The following HCN1 variants were observed in gnomAD, a reference collection of about 807,000 sequenced individuals.
HCN1 encodes potassium/sodium hyperpolarization-activated cyclic nucleotide-gated channel 1.
In HCN1, 13 loss-of-function variants were observed where a neutral mutation model predicts 78.9. The ratio of observed to expected loss-of-function variants is 0.16; its 90% confidence interval spans 0.11 to 0.26. The LOEUF (loss-of-function observed/expected upper bound fraction) is 0.26, where lower values mean the gene tolerates loss of function less well. HCN1 is among the 10% of genes least tolerant of loss of function. The pLI, the probability that HCN1 is intolerant of heterozygous loss-of-function variation, is 1.00. For synonymous variants in HCN1, 552 were observed against 455.5 expected (o/e 1.21, Z -2.70); for missense variants, 810 against 1,154.3 (o/e 0.70, Z 4.32).
At chr5:45,363,348 C>T (rs1468362364) in intron 4 of HCN1, among the ~76,000 whole-genome samples, 1 of 151,342 alleles carries the variant, frequency 6.6e-6, no homozygotes, top group East Asian at 2.0e-4. Context: ...CCTAGAGTTG[C>T]ATGGTCTTCT....
chr5:45,315,894 A>G (rs897243302), intron 5 of HCN1, among the ~76,000 whole-genome samples: 1 of 152,188 alleles, frequency 6.6e-6, no homozygotes, highest in Non-Finnish European at 1.5e-5. Context: ...TAGACCAATA[A>G]CAGGCTCTGA....
chr5:45,582,292 G>T (rs1007018743), intron 2 of HCN1, among the ~76,000 whole-genome samples: 32 of 152,040 alleles, frequency 2.1e-4, no homozygotes, highest in African/African-American at 7.7e-4. Context: ...ATTGTGAATG[G>T]GAGTTCACTC....
intron 2 of HCN1, among the ~76,000 whole-genome samples, chr5:45,560,653 A>G (rs1743579154): frequency 6.6e-6 from 1 of 152,094 alleles, no homozygotes; most frequent in East Asian, 1.9e-4. Flanking sequence ...AAACACAATT[A>G]TATTTAACAA....
chr5:45,375,054 TTA>T lies in HCN1; in HGVS notation c.1230+21436_1230+21437del, dbSNP rs527499523. On this transcript the variant is annotated intron_variant, in intron 4 of 7. Transcript: ENST00000303230. ...AGTATATACTCAAAGGAATGGAATT[TTA>T]TATATATATATAATATATTATATAT... Among the ~76,000 whole-genome samples, 94 of 126,690 alleles carry T rather than the reference TTA, an allele frequency of 7.4e-4. 2 individuals carry two copies. In the East Asian group the frequency reaches 0.011, roughly 15 times the overall value. The allele number at this position is 126,690 out of a possible 152,430, so 83.1% of individuals were successfully genotyped here. A position where few individuals can be genotyped will look rare whatever the true frequency, so the allele number is the denominator to read the frequency against.
At chr5:45,646,499 G>C (rs999312916) in intron 1 of HCN1, among the ~76,000 whole-genome samples, 4 of 149,914 alleles carry the variant, frequency 2.7e-5, no homozygotes, top group Non-Finnish European at 5.9e-5. Flanking sequence ...TCAGCCTCCC[G>C]AGTAGCTGGC....
intron 4 of HCN1, among the ~76,000 whole-genome samples, chr5:45,363,741 C>G (rs1032771139): frequency 6.6e-6 from 1 of 151,898 alleles, no homozygotes; most frequent in East Asian, 1.9e-4. Context: ...CGAGATCTGA[C>G]GGGTTTATCA....
chr5:45,501,115 T>C (rs1488488320), intron 2 of HCN1, among the ~76,000 whole-genome samples: 2 of 152,112 alleles, frequency 1.3e-5, no homozygotes, highest in Non-Finnish European at 2.9e-5. Flanking sequence ...GCAGCTCAAA[T>C]AATAACTGAC....
chr5:45,374,131 T>C (rs34966617), intron 4 of HCN1, among the ~76,000 whole-genome samples: 18,446 of 111,068 alleles, frequency 0.17, 2,005 homozygotes, highest in East Asian at 0.33. Context: ...ATATAATATA[T>C]ATTATATACA....
rs528783772 is a variant in HCN1 at position 45,327,278 on chromosome 5, T to G, written c.1378-23439A>C. 2.6e-5 allele frequency among the ~76,000 whole-genome samples: 4 copies of G among 151,844 alleles called. No homozygotes were observed. In the East Asian group the frequency reaches 5.9e-4, roughly 22 times the overall value. ...GAAACTAAACAAATGTCCAGAAGTA[T>G]GCTGAACTAAAAAATATTATTAAGA... On this transcript the variant is annotated intron_variant, in intron 5 of 7. Coordinates refer to ENST00000303230, the MANE Select transcript of HCN1 (RefSeq NM_021072.4).
intron 1 of HCN1, among the ~76,000 whole-genome samples, chr5:45,689,537 T>C (rs1478926990): frequency 6.6e-6 from 1 of 152,092 alleles, no homozygotes; most frequent in Non-Finnish European, 1.5e-5. Context: ...AAACTAGTTA[T>C]GTGGAGTGAT....
chr5:45,525,938 A>T (rs1742728226), intron 2 of HCN1, among the ~76,000 whole-genome samples: 1 of 151,984 alleles, frequency 6.6e-6, no homozygotes, highest in Non-Finnish European at 1.5e-5. Context: ...TAGTGTCCTT[A>T]TAAGAAAAGA....
intron 2 of HCN1, 172 bp downstream of exon 2, chr5:45,645,013 A>G (rs1745521961): frequency 3.6e-6 from 2 of 562,914 alleles, no homozygotes; most frequent in East Asian, 5.7e-5. Context: ...TTATTTGATC[A>G]TATATTTTAG....
At chr5:45,669,972 A>C (rs1379086812) in intron 1 of HCN1, among the ~76,000 whole-genome samples, 1 of 151,748 alleles carries the variant, frequency 6.6e-6, no homozygotes, top group Non-Finnish European at 1.5e-5. Context: ...ATTGGAATGA[A>C]GGGAGGTGTA....
chr5:45,648,760 A>G (rs1745621924), intron 1 of HCN1, among the ~76,000 whole-genome samples: 1 of 151,774 alleles, frequency 6.6e-6, no homozygotes, highest in African/African-American at 2.4e-5. Context: ...TTATTACCAT[A>G]TCATCTTTCC....
At chr5:45,584,963 T>C (rs1488455124) in intron 2 of HCN1, among the ~76,000 whole-genome samples, 2 of 152,154 alleles carry the variant, frequency 1.3e-5, no homozygotes, top group African/African-American at 4.8e-5. Flanking sequence ...GCCCTTAACA[T>C]TTTTCCTTCA....
chr5:45,572,687 A>G (rs772941206), intron 2 of HCN1, among the ~76,000 whole-genome samples: 3 of 152,116 alleles, frequency 2.0e-5, no homozygotes, highest in Non-Finnish European at 4.4e-5. Context: ...GGTGATACAG[A>G]ATTTCAGGAA....
chr5:45,312,999 G>A (rs2111919963), intron 5 of HCN1, among the ~76,000 whole-genome samples: 1 of 152,284 alleles, frequency 6.6e-6, no homozygotes, highest in East Asian at 1.9e-4. Flanking sequence ...GTCCCTGTCT[G>A]ACAGCTTTGA....
intron 5 of HCN1, among the ~76,000 whole-genome samples, chr5:45,318,358 G>A (rs914943608): frequency 4.5e-4 from 69 of 152,102 alleles, no homozygotes; most frequent in Middle Eastern, 3.4e-3. Context: ...GGTGGGAATT[G>A]AACAATGAGA....
At chr5:45,277,009 G>T (rs1435742369) in intron 6 of HCN1, among the ~76,000 whole-genome samples, 1 of 152,000 alleles carries the variant, frequency 6.6e-6, no homozygotes, top group Non-Finnish European at 1.5e-5. Context: ...ATAAGTATTT[G>T]ATTAGGCATA....
Sources: allele counts gnomAD v4.1 joint callset (sites outside exome capture counted in the v4.1 genomes callset), GRCh38; gene constraint gnomAD v4.1.1; transcripts MANE v1.5; gene names NCBI Gene and HGNC (gene_info 2026-07-23, HGNC 2026-07-21).